CCR5AS: variants seen among roughly 807,000 people sequenced by gnomAD.
CCR5AS encodes the protein CCR5 antisense RNA.
intron 2 of CCR5AS, among the ~76,000 whole-genome samples, chr3:46,377,396 T>C (rs1481413015): frequency 6.6e-6 from 1 of 152,164 alleles, no homozygotes; most frequent in Non-Finnish European, 1.5e-5. Context: ...TTGCATGCCA[T>C]GGATAAAGTC....
chr3:46,368,694 T>C (rs1701624934), intron 3 of CCR5AS, among the ~76,000 whole-genome samples: 1 of 152,204 alleles, frequency 6.6e-6, no homozygotes, highest in Non-Finnish European at 1.5e-5. Context: ...ATTTAACAGA[T>C]GAGGAAATGG....
chr3:46,388,905 T>C (rs1249809092), intron 2 of CCR5AS, among the ~76,000 whole-genome samples: 1 of 152,132 alleles, frequency 6.6e-6, no homozygotes, highest in African/African-American at 2.4e-5. Context: ...ATCTGTCCAC[T>C]CCAAGAGGGA....
intron 3 of CCR5AS, among the ~76,000 whole-genome samples, chr3:46,369,592 C>G (rs553230690): frequency 6.6e-6 from 1 of 152,034 alleles, no homozygotes; most frequent in Non-Finnish European, 1.5e-5. Context: ...ACAGAGACTC[C>G]GGTGAACCAA....
chr3:46,400,289 T>A (rs1019397691), intron 1 of CCR5AS, among the ~76,000 whole-genome samples: 6 of 152,136 alleles, frequency 3.9e-5, no homozygotes, highest in African/African-American at 1.4e-4. Flanking sequence ...GGCTGCTAAG[T>A]GGTTTTAAAC....
intron 2 of CCR5AS, among the ~76,000 whole-genome samples, chr3:46,380,190 A>G (rs1184013589): frequency 6.6e-6 from 1 of 152,086 alleles, no homozygotes; most frequent in Non-Finnish European, 1.5e-5. Context: ...GAAGGGTGAG[A>G]GTTCCATGGA....
At chr3:46,370,655 G>A (rs528416233) in intron 3 of CCR5AS, among the ~76,000 whole-genome samples, 6 of 152,252 alleles carry the variant, frequency 3.9e-5, no homozygotes, top group South Asian at 2.1e-4. Flanking sequence ...GAATGTAAAT[G>A]TTCTTCTAGC....
chr3:46,384,862 TAGATAGATA>T (rs1559572424), intron 2 of CCR5AS, among the ~76,000 whole-genome samples: 179 of 2,292 alleles, frequency 0.078, no homozygotes, highest in African/African-American at 0.11. Flanking sequence ...AGATGATAGA[TAGATAGATA>T]GATAGATAGA....
chr3:46,374,019 T>TGA, intron 2 of CCR5AS: 1 of 1,313,112 alleles, frequency 7.6e-7, no homozygotes, highest in Non-Finnish European at 1.0e-6. Context: ...TTAGTTTTCA[T>TGA]ACACAGCCTG....
chr3:46,384,343 G>C (rs778867553), intron 2 of CCR5AS, among the ~76,000 whole-genome samples: 1 of 152,214 alleles, frequency 6.6e-6, no homozygotes, highest in African/African-American at 2.4e-5. Flanking sequence ...ACACGTGGTT[G>C]ACAAAGAAAA....
chr3:46,398,665 G>A (rs1701981288), intron 1 of CCR5AS, among the ~76,000 whole-genome samples: 1 of 152,046 alleles, frequency 6.6e-6, no homozygotes, highest in African/African-American at 2.4e-5. Context: ...CTGTAATGTA[G>A]GAGCTTTAAC....
intron 1 of CCR5AS, among the ~76,000 whole-genome samples, chr3:46,394,396 C>T (rs1334292690): frequency 6.6e-6 from 1 of 152,154 alleles, no homozygotes; most frequent in Non-Finnish European, 1.5e-5. Context: ...ACTTGTGGAA[C>T]ATTCAGGATT....
chr3:46,385,346 T>G (rs1701851798), intron 2 of CCR5AS, among the ~76,000 whole-genome samples: 1 of 152,152 alleles, frequency 6.6e-6, no homozygotes, highest in African/African-American at 2.4e-5. Flanking sequence ...GCAGTTTGAC[T>G]AGTAAAAAAG....
intron 1 of CCR5AS, among the ~76,000 whole-genome samples, chr3:46,402,956 C>T: frequency 6.6e-6 from 1 of 152,204 alleles, no homozygotes; most frequent in Non-Finnish European, 1.5e-5. Flanking sequence ...GTGTTCTCAT[C>T]ATTTAGCTCC....
At chr3:46,402,353 C>T (rs1199005521) in intron 1 of CCR5AS, among the ~76,000 whole-genome samples, 1 of 152,158 alleles carries the variant, frequency 6.6e-6, no homozygotes, top group Admixed American at 6.5e-5. Flanking sequence ...ATAAGATGGT[C>T]TCCGAAGCCT....
At chr3:46,404,331 T>C (rs201403663) in intron 1 of CCR5AS, among the ~76,000 whole-genome samples, 56 of 87,034 alleles carry the variant, frequency 6.4e-4, no homozygotes, top group Admixed American at 1.8e-3. Context: ...CTCTCTCTTT[T>C]TTTTTTTTTT....
At chr3:46,389,512 C>A (rs752220332) in intron 2 of CCR5AS, among the ~76,000 whole-genome samples, 7 of 152,120 alleles carry the variant, frequency 4.6e-5, no homozygotes, top group Non-Finnish European at 8.8e-5. Context: ...TCCTGTCTAG[C>A]CTGCTGGAGG....
At chr3:46,368,943 G>A (rs1182082103) in intron 3 of CCR5AS, among the ~76,000 whole-genome samples, 1 of 152,108 alleles carries the variant, frequency 6.6e-6, no homozygotes, top group South Asian at 2.1e-4. Flanking sequence ...GCAGCCTCCG[G>A]GGGTTCTGCA....
At chr3:46,377,145 C>T (rs80268193) in intron 2 of CCR5AS, among the ~76,000 whole-genome samples, 55 of 152,294 alleles carry the variant, frequency 3.6e-4, no homozygotes, top group Admixed American at 1.1e-3. Context: ...GACATACATG[C>T]AGTCATGTCA....
chr3:46,388,282 G>A (rs34682274), intron 2 of CCR5AS, among the ~76,000 whole-genome samples: 45,764 of 151,998 alleles, frequency 0.3, 7,847 homozygotes, highest in East Asian at 0.56. Context: ...CTAGAGAGTG[G>A]GAGAGATTAA....
Sources: allele counts gnomAD v4.1 joint callset (sites outside exome capture counted in the v4.1 genomes callset), GRCh38; gene constraint gnomAD v4.1.1; transcripts MANE v1.5; gene names NCBI Gene and HGNC (gene_info 2026-07-23, HGNC 2026-07-21).